AP2A2: variants seen among roughly 807,000 people sequenced by gnomAD.
The protein encoded by AP2A2 is adaptor related protein complex 2 subunit alpha 2, also known as AP-2 complex subunit alpha-2.
AP2A2 carries 32 observed loss-of-function variants against 104.2 expected under a neutral mutation model. The observed-to-expected ratio is 0.31, with a 90% CI of 0.23 to 0.41. The LOEUF is 0.41. AP2A2 is among the 10% of genes least tolerant of loss of function. The pLI is 1.00. For synonymous variants in AP2A2, 539 were observed against 533.3 expected, an observed-to-expected ratio of 1.01 and a Z score of -0.15; for missense variants, 912 against 1,261.0, an observed-to-expected ratio of 0.72 and a Z score of 4.19.
intron 5 of AP2A2, among the ~76,000 whole-genome samples, chr11:977,441 G>A (rs911398357): frequency 1.1e-4 from 16 of 151,044 alleles, no homozygotes; most frequent in African/African-American, 3.9e-4. Flanking sequence ...TGAAGCCCTC[G>A]GGTAGCACAG....
intron 9 of AP2A2, among the ~76,000 whole-genome samples, chr11:987,229 A>G (rs1467581021): frequency 2.6e-5 from 4 of 152,360 alleles, no homozygotes; most frequent in South Asian, 2.1e-4. Flanking sequence ...CCCGTGTGCC[A>G]TCCTGCGCGT....
chr11:981,093 G>T (rs1033508927), intron 5 of AP2A2, 105 bp from the exon 6 acceptor site: 132 of 867,886 alleles, frequency 1.5e-4, no homozygotes, highest in Non-Finnish European at 2.1e-4. Flanking sequence ...GTGGCTGTGG[G>T]CTGCCACTGT....
intron 1 of AP2A2, among the ~76,000 whole-genome samples, chr11:937,613 A>C (rs11608157): frequency 6.6e-6 from 1 of 152,212 alleles, no homozygotes; most frequent in Non-Finnish European, 1.5e-5. Context: ...TCAAAACACC[A>C]CCACCAAATT....
At chr11:997,120 G>A (rs1855881799) in intron 14 of AP2A2, among the ~76,000 whole-genome samples, 1 of 152,222 alleles carries the variant, frequency 6.6e-6, no homozygotes, top group Non-Finnish European at 1.5e-5. Flanking sequence ...ATCAGCACAT[G>A]TGCCTTTCCC....
chr11:972,121 C>G lies in AP2A2; in HGVS notation c.339C>G (p.Asn113Lys). 6.2e-7 allele frequency: 1 copy of G among 1,613,808 alleles called. No homozygotes were observed. Among genetic ancestry groups the G allele is most frequent in the Non-Finnish European group, 8.5e-7 (1 of 1,179,818 alleles). ...ACAGTGAGCTGATCCGCCTGATCAA[C>G]AACGCCATCAAGAATGACCTGGCCA... Reference protein sequence around the residue: ...NSNSELIRLINNAIKNDLASR... With the variant: ...NSNSELIRLIKNAIKNDLASR... The change falls in exon 4 of 22, where the codon AAC (asparagine) becomes AAG (lysine). Residue 113 changes from asparagine (N) to lysine (K), a missense_variant. By Grantham distance (94) the Asn-to-Lys change is moderately conservative. Transcript: ENST00000448903.
At chr11:942,964 G>T (rs918308347) in intron 1 of AP2A2, 1 of 152,294 alleles carries the variant, frequency 6.6e-6, no homozygotes, top group Non-Finnish European at 1.5e-5. Flanking sequence ...AGCGAGGAGA[G>T]GAGCTGGCAT....
At position 1,010,642 on chromosome 11, in the gene AP2A2, C is replaced by G. The variant is rs1312549229; in HGVS notation, c.*17C>G. On this transcript the variant is annotated 3_prime_UTR_variant, in exon 22 of 22. Transcript: ENST00000448903. ...CAGTTTTAGTCCTGAGGATGGAAGA[C>G]CAGGCTCGTGTGTCTTGTGTTGTCT... The G allele has an allele frequency of 1.9e-6, 3 of 1,570,628 alleles. No individual in the cohort carries two copies. In the African/African-American group the frequency reaches 4.1e-5, roughly 21 times the overall value.
intron 16 of AP2A2, among the ~76,000 whole-genome samples, chr11:1,005,303 C>T (rs1856168163): frequency 6.6e-6 from 1 of 152,196 alleles, no homozygotes; most frequent in African/African-American, 2.4e-5. Context: ...TTCGTAGAGA[C>T]AGAACGTAGC....
At chr11:974,937 A>G (rs1056113549) in intron 4 of AP2A2, among the ~76,000 whole-genome samples, 1 of 152,226 alleles carries the variant, frequency 6.6e-6, no homozygotes, top group African/African-American at 2.4e-5. Context: ...GTGAGCCGAG[A>G]TTGCTCCACT....
chr11:996,064 A>G (rs1239300225), intron 14 of AP2A2: 1 of 152,040 alleles, frequency 6.6e-6, no homozygotes, highest in South Asian at 2.1e-4. Context: ...TCACTCCTCT[A>G]ATCCATCTCT....
chr11:1,006,127 C>T (rs867328970), intron 16 of AP2A2, among the ~76,000 whole-genome samples: 2 of 152,196 alleles, frequency 1.3e-5, no homozygotes, highest in Admixed American at 6.5e-5. Flanking sequence ...GGGGCGGGGC[C>T]GGCAGAGGCC....
chr11:977,685 G>A (rs4074233), intron 5 of AP2A2, among the ~76,000 whole-genome samples: 76,524 of 151,254 alleles, frequency 0.51, 19,958 homozygotes, highest in Middle Eastern at 0.66. Context: ...AGAGGCACGT[G>A]TGGGGGAGGG....
chr11:985,630 G>A lies in AP2A2; in HGVS notation c.962+48G>A, dbSNP rs376131276. 78 of 1,609,306 alleles carry A rather than the reference G, an allele frequency of 4.8e-5. No individual in the cohort carries two copies. The African/African-American group carries it at 8.5e-4, about 18-fold the overall frequency. On this transcript the variant is annotated intron_variant, in intron 8 of 21. Transcript: ENST00000448903. The stretch of plus-strand genomic sequence containing the variant: ...GGCTTCGTCTCGCGCACACACACAC[G>A]TTCCTTCTCGTTGGCACGAGACTGG...
chr11:929,980 G>A (rs1269447274), intron 1 of AP2A2, among the ~76,000 whole-genome samples: 1 of 152,144 alleles, frequency 6.6e-6, no homozygotes, highest in East Asian at 1.9e-4. Flanking sequence ...CATTAGCTGG[G>A]CGTGGTGGCA....
At chr11:969,492 C>T (rs922216679) in intron 2 of AP2A2, among the ~76,000 whole-genome samples, 2 of 152,094 alleles carry the variant, frequency 1.3e-5, no homozygotes, top group Admixed American at 1.3e-4. Context: ...TCCCAAAGTT[C>T]TGGGATTACA....
chr11:984,589 C>A (rs116340986), intron 6 of AP2A2, 56 bp from the exon 7 acceptor site: 7 of 1,425,878 alleles, frequency 4.9e-6, no homozygotes, highest in South Asian at 1.1e-5. Context: ...TCTTTGGGTC[C>A]CCGCAGTAGG....
At position 925,956 on chromosome 11, in the gene AP2A2, C is replaced by G; in HGVS notation, c.-66C>G. The G allele has an allele frequency of 2.4e-6, 3 of 1,274,514 alleles. No homozygotes were observed. Among genetic ancestry groups the G allele is most frequent in the Non-Finnish European group, 3.1e-6 (3 of 972,488 alleles). The allele number at this position is 1,274,514 out of a possible 1,614,324, so 79.0% of individuals were successfully genotyped here. A position where few individuals can be genotyped will look rare whatever the true frequency, so the allele number is the denominator to read the frequency against. On this transcript the variant is annotated 5_prime_UTR_variant, in exon 1 of 22. Coordinates refer to ENST00000448903, the MANE Select transcript of AP2A2 (RefSeq NM_012305.4). ...CGGCGGTGACGGCGACCGCACTCCC[C>G]GCTTCCCGCTCCCCGCGCTCCTCCG...
chr11:937,862 T>C (rs935354968), intron 1 of AP2A2, among the ~76,000 whole-genome samples: 3 of 152,266 alleles, frequency 2.0e-5, no homozygotes, highest in Admixed American at 6.5e-5. Flanking sequence ...ATAAGGAAAC[T>C]GTGGCGTGGA....
intron 3 of AP2A2, 118 bp downstream of exon 3, chr11:970,429 G>C: frequency 1.5e-6 from 2 of 1,351,246 alleles, no homozygotes; most frequent in Middle Eastern, 2.2e-4. Context: ...TGAGCCACGT[G>C]GGTCTGCTGC....
Sources: allele counts gnomAD v4.1 joint callset (sites outside exome capture counted in the v4.1 genomes callset), GRCh38; gene constraint gnomAD v4.1.1; transcripts MANE v1.5; gene names NCBI Gene and HGNC (gene_info 2026-07-23, HGNC 2026-07-21).